USP42: variants seen among roughly 807,000 people sequenced by gnomAD.
USP42 encodes the protein ubiquitin specific peptidase 42, also known as ubiquitin carboxyl-terminal hydrolase 42.
USP42 carries 23 observed loss-of-function variants against 113.0 expected under a neutral mutation model. The ratio of observed to expected loss-of-function variants is 0.20; its 90% confidence interval spans 0.15 to 0.29. The LOEUF (loss-of-function observed/expected upper bound fraction) is 0.29. Ranked by LOEUF, USP42 falls within the 10% of genes least tolerant of loss-of-function variation. The probability of loss-of-function intolerance (pLI) is 1.00; values close to 1 mark genes in which losing one functional copy is unlikely to be tolerated. For synonymous variants in USP42, 933 were observed against 699.0 expected (o/e 1.33, Z -5.28); for missense variants, 2,174 against 1,779.8 (o/e 1.22, Z -3.99).
chr7:6,137,183 G>A (rs1232058318), intron 4 of USP42, among the ~76,000 whole-genome samples: 1 of 152,150 alleles, frequency 6.6e-6, no homozygotes, highest in Non-Finnish European at 1.5e-5. Context: ...TAATTATACA[G>A]TAACAAACTG....
At chr7:6,107,573 C>G (rs2128473919) in intron 1 of USP42, among the ~76,000 whole-genome samples, 1 of 152,112 alleles carries the variant, frequency 6.6e-6, no homozygotes, top group East Asian at 1.9e-4. Context: ...CCACGCCTGG[C>G]TAATTTTGTA....
At chr7:6,118,797 C>T (rs1469567367) in intron 3 of USP42, among the ~76,000 whole-genome samples, 2 of 152,096 alleles carry the variant, frequency 1.3e-5, no homozygotes, top group African/African-American at 4.8e-5. Flanking sequence ...GATTGAAGCA[C>T]TTTAGACAGA....
rs1479477235 is a variant in USP42 at position 6,150,047 on chromosome 7, G to A, written c.1851G>A (p.Glu617=). ...CCGAGTCCTCTGAGGACTCTGACGA[G>A]GAGTCAAAGGGGCTGGGCAAGGAGA... ...YGAESSEDSD[E]ESKGLGKENG... Residue 617 remains glutamate (E), a synonymous_variant, in exon 13 of 18, where the codon GAG becomes GAA. Transcript: ENST00000306177. The A allele has an allele frequency of 6.2e-7, 1 of 1,610,438 alleles. No individual in the cohort carries two copies. Among genetic ancestry groups the A allele is most frequent in the Non-Finnish European group, 8.5e-7 (1 of 1,178,182 alleles).
rs745417556 is a variant in USP42, at chr7:6,153,921, C to T, written c.2367C>T (p.Gly789=). The T allele has an allele frequency of 3.1e-6, 5 of 1,600,010 alleles. No individual in the cohort carries two copies. The highest frequency in any genetic ancestry group is 2.3e-5 in the East Asian group (1 of 44,392). ...RDPGTPATKE[G]AWEAMAVAPE... ...CCGGCACCCCCGCTACCAAAGAAGG[C>T]GCCTGGGAGGCCATGGCCGTCGCCC... Residue 789 remains glycine, a synonymous_variant, in exon 15 of 18, where the codon GGC becomes GGT. Coordinates refer to ENST00000306177, the MANE Select transcript of USP42 (RefSeq NM_032172.3).
the USP42 span, among the ~76,000 whole-genome samples, chr7:6,092,869 G>A: frequency 2.0e-5 from 3 of 151,142 alleles, no homozygotes; most frequent in Non-Finnish European, 2.9e-5. Flanking sequence ...ATGTTGGTGT[G>A]CAGGGAAGTG....
At chr7:6,104,536 G>T (rs776322779), upstream of USP42, among the ~76,000 whole-genome samples, 1 of 152,274 alleles carries the variant, frequency 6.6e-6, no homozygotes, top group Non-Finnish European at 1.5e-5. Context: ...TGCGTCCCCA[G>T]GTGCCCCGCT....
intron 3 of USP42, among the ~76,000 whole-genome samples, chr7:6,117,981 T>G (rs1433470162): frequency 6.6e-6 from 1 of 152,224 alleles, no homozygotes; most frequent in Non-Finnish European, 1.5e-5. Flanking sequence ...TATAAGTCTT[T>G]TATTATGTAG....
chr7:6,111,636 T>C (rs1237477031), intron 2 of USP42, among the ~76,000 whole-genome samples: 1 of 150,684 alleles, frequency 6.6e-6, no homozygotes, highest in African/African-American at 2.4e-5. Flanking sequence ...GGAGTCTCGC[T>C]CTGTCACCCA....
upstream of USP42, among the ~76,000 whole-genome samples, chr7:6,102,588 G>A (rs745547703): frequency 4.7e-5 from 7 of 150,396 alleles, no homozygotes; most frequent in South Asian, 2.1e-4. Flanking sequence ...TAGCGAGCCC[G>A]TCTCTAAAAA....
chr7:6,138,059 G>A (rs997349708), intron 4 of USP42, among the ~76,000 whole-genome samples: 4 of 152,138 alleles, frequency 2.6e-5, no homozygotes, highest in African/African-American at 9.7e-5. Context: ...AAATGTCATT[G>A]CTCTGTGTGT....
At chr7:6,089,221 T>C in the USP42 span, among the ~76,000 whole-genome samples, 73 of 147,282 alleles carry the variant, frequency 5.0e-4, 6 homozygotes, top group African/African-American at 1.8e-3. Flanking sequence ...ATTTTTTTTT[T>C]TTTTGTATTT....
intron 3 of USP42, among the ~76,000 whole-genome samples, chr7:6,133,510 T>C (rs1322950806): frequency 6.6e-6 from 1 of 152,178 alleles, no homozygotes; most frequent in African/African-American, 2.4e-5. Context: ...GTTTTTGTTA[T>C]TGTTGTTTGT....
chr7:6,100,055 G>T (rs1423151249), upstream of USP42, among the ~76,000 whole-genome samples: 5 of 148,648 alleles, frequency 3.4e-5, no homozygotes, highest in African/African-American at 1.3e-4. Context: ...GGCTCACTAT[G>T]TTGCCCAGGC....
At chr7:6,097,372 G>A in the USP42 span, among the ~76,000 whole-genome samples, 4 of 147,016 alleles carry the variant, frequency 2.7e-5, no homozygotes, top group Non-Finnish European at 5.9e-5. Context: ...TCTAAAATTA[G>A]GTCCCTGTGG....
the USP42 span, among the ~76,000 whole-genome samples, chr7:6,098,889 C>T: frequency 6.7e-6 from 1 of 149,952 alleles, no homozygotes; most frequent in Non-Finnish European, 1.5e-5. Context: ...TTTGAGGTGT[C>T]TGCATAGTCT....
the USP42 span, among the ~76,000 whole-genome samples, chr7:6,090,749 A>T: frequency 6.9e-6 from 1 of 145,970 alleles, no homozygotes; most frequent in African/African-American, 2.6e-5. Flanking sequence ...CTATATATAT[A>T]TTATATACTA....
intron 4 of USP42, among the ~76,000 whole-genome samples, chr7:6,137,493 G>A (rs1407514779): frequency 6.6e-6 from 1 of 152,106 alleles, no homozygotes; most frequent in African/African-American, 2.4e-5. Flanking sequence ...CAAGTAGCTG[G>A]GATTACAGAC....
At chr7:6,081,661 C>T in the USP42 span, 1 of 152,258 alleles carries the variant, frequency 6.6e-6, no homozygotes, top group African/African-American at 2.4e-5. Flanking sequence ...CGCATGCTCT[C>T]TGGTGGGCTA....
At chr7:6,098,555 T>G in the USP42 span, among the ~76,000 whole-genome samples, 1 of 150,322 alleles carries the variant, frequency 6.7e-6, no homozygotes, top group Non-Finnish European at 1.5e-5. Context: ...TCTTGTTTTT[T>G]GTTTTTCTTG....
Sources: gnomAD v4.1 joint callset for allele counts (sites outside exome capture counted in the v4.1 genomes callset) on GRCh38, gnomAD v4.1.1 for gene constraint, MANE v1.5 for transcripts, NCBI Gene and HGNC (gene_info 2026-07-23, HGNC 2026-07-21) for gene names.